The following SLC14A2 variants were observed in gnomAD, a reference collection of about 807,000 sequenced individuals.
SLC14A2 encodes urea transporter 2.
SLC14A2 carries 91 observed loss-of-function variants against 104.6 expected under a neutral mutation model. The ratio of observed to expected loss-of-function variants is 0.87; its 90% CI spans 0.73 to 1.04. The LOEUF (loss-of-function observed/expected upper bound fraction) is 1.04, where lower values mean the gene tolerates loss of function less well. SLC14A2 is among the 50% of genes least tolerant of loss of function. The probability of loss-of-function intolerance (pLI) is 0.00; values close to 1 mark genes in which losing one functional copy is unlikely to be tolerated. For synonymous variants in SLC14A2, 476 were observed against 466.4 expected, an observed-to-expected ratio of 1.02 and a Z score of -0.27; for missense variants, 1,189 against 1,156.0, an observed-to-expected ratio of 1.03 and a Z score of -0.41.
chr18:45,207,411 G>A, the SLC14A2 span, among the ~76,000 whole-genome samples: 1 of 150,294 alleles, frequency 6.7e-6, no homozygotes, highest in Non-Finnish European at 1.5e-5. Context: ...AAAAGAGAGA[G>A]AAAGAGAGAA....
chr18:45,280,359 C>G (rs905857581), intron 1 of SLC14A2, among the ~76,000 whole-genome samples: 2 of 152,136 alleles, frequency 1.3e-5, no homozygotes, highest in Non-Finnish European at 2.9e-5. Flanking sequence ...GGGAGGCAGA[C>G]AGCCCAGGTT....
At chr18:45,173,147 A>T in the SLC14A2 span, among the ~76,000 whole-genome samples, 1 of 152,180 alleles carries the variant, frequency 6.6e-6, no homozygotes, top group East Asian at 1.9e-4. Context: ...CACCAACTAC[A>T]TGGCCCTTTG....
At chr18:45,623,318 G>T (rs2045206115) in intron 1 of SLC14A2, among the ~76,000 whole-genome samples, 1 of 152,224 alleles carries the variant, frequency 6.6e-6, no homozygotes, top group Admixed American at 6.5e-5. Context: ...GATCTGAGAA[G>T]CCAGAGAACA....
At chr18:45,391,625 G>A (rs948047236) in intron 1 of SLC14A2, among the ~76,000 whole-genome samples, 7 of 152,112 alleles carry the variant, frequency 4.6e-5, no homozygotes, top group African/African-American at 1.7e-4. Flanking sequence ...ATTCTAACTG[G>A]TGTGAGATGG....
In SLC14A2 at chr18:45,335,880, T is replaced by C. The variant is rs555975590; in HGVS notation, c.-125+122689T>C. On this transcript the variant is annotated intron_variant, in intron 1 of 20. Coordinates refer to the SLC14A2 transcript ENST00000586448. ...CTTTCAGAGGAAGGTGCTAAATTCT[T>C]GCTGGTTCCCTGGCCAGAACAGGTA... Among the ~76,000 whole-genome samples, 29 of 152,280 alleles carry C rather than the reference T, an allele frequency of 1.9e-4. No homozygotes were observed. The South Asian group carries it at 5.8e-3, about 30-fold the overall frequency.
intron 1 of SLC14A2, among the ~76,000 whole-genome samples, chr18:45,376,287 C>T (rs573379346): frequency 6.6e-6 from 1 of 152,272 alleles, no homozygotes; most frequent in East Asian, 1.9e-4. Flanking sequence ...TTGTGAAGGT[C>T]CTGAGCACCT....
chr18:45,625,929 G>C, intron 3 of SLC14A2, 66 bp downstream of exon 3: 1 of 1,252,566 alleles, frequency 8.0e-7, no homozygotes. Context: ...CCTCTCTCCG[G>C]TTTGGTCCAA....
intron 1 of SLC14A2, among the ~76,000 whole-genome samples, chr18:45,319,974 A>G (rs7235709): frequency 0.14 from 21,669 of 152,176 alleles, 1,615 homozygotes; most frequent in South Asian, 0.16. Context: ...ACTTTAAAAA[A>G]TTGAGAAATC....
intron 2 of SLC14A2, among the ~76,000 whole-genome samples, chr18:45,593,108 G>A (rs1197133790): frequency 6.6e-6 from 1 of 152,158 alleles, no homozygotes; most frequent in Non-Finnish European, 1.5e-5. Context: ...ATGAGGTCAG[G>A]AGATCGAGAC....
At chr18:45,606,667 A>G (rs1048031180) in intron 2 of SLC14A2, among the ~76,000 whole-genome samples, 7 of 151,928 alleles carry the variant, frequency 4.6e-5, no homozygotes, top group African/African-American at 1.7e-4. Context: ...AAGAGCAGGA[A>G]AAAATCTTTT....
At chr18:45,339,154 G>A (rs888167713) in intron 1 of SLC14A2, among the ~76,000 whole-genome samples, 4 of 152,084 alleles carry the variant, frequency 2.6e-5, no homozygotes, top group African/African-American at 9.7e-5. Context: ...AGTAGAGATA[G>A]GGTTTTGCCA....
At chr18:45,242,996 C>G (rs2084332824) in intron 1 of SLC14A2, among the ~76,000 whole-genome samples, 1 of 152,206 alleles carries the variant, frequency 6.6e-6, no homozygotes, top group Non-Finnish European at 1.5e-5. Context: ...AGAGCTTAAA[C>G]CTTTTTGTAC....
At position 45,335,911 on chromosome 18, in the gene SLC14A2, A is replaced by G. The variant is rs1038442780; in HGVS notation, c.-125+122720A>G. On this transcript the variant is annotated intron_variant, in intron 1 of 20. Transcript: ENST00000586448. ...TTCCCTGGCCAGAACAGGTAGATGAAGCGCTGGGCTTCCTCAGCATCTTTG... is the reference window on the plus strand; with the variant it reads ...TTCCCTGGCCAGAACAGGTAGATGAGGCGCTGGGCTTCCTCAGCATCTTTG... Among the ~76,000 whole-genome samples, 14 of 152,310 alleles carry G rather than the reference A, an allele frequency of 9.2e-5. 1 individual carries two copies. Among genetic ancestry groups the G allele is most frequent in the South Asian group, 4.1e-4 (2 of 4,826 alleles).
chr18:45,182,072 C>T, the SLC14A2 span, among the ~76,000 whole-genome samples: 4 of 141,648 alleles, frequency 2.8e-5, no homozygotes, highest in East Asian at 1.9e-4. Context: ...GTTTATTAAG[C>T]AATAAGAAAT....
chr18:45,254,725 T>C (rs1281210732), intron 1 of SLC14A2, among the ~76,000 whole-genome samples: 2 of 151,894 alleles, frequency 1.3e-5, no homozygotes, highest in Non-Finnish European at 2.9e-5. Context: ...CACCAAGGAG[T>C]GGGGTGTGGG....
intron 2 of SLC14A2, among the ~76,000 whole-genome samples, chr18:45,566,818 A>G (rs957325382): frequency 6.6e-6 from 1 of 152,208 alleles, no homozygotes; most frequent in East Asian, 1.9e-4. Context: ...CTTTGCTCAG[A>G]AGGACAGATT....
intron 2 of SLC14A2, among the ~76,000 whole-genome samples, chr18:45,539,911 T>TA (rs1214163202): frequency 3.3e-5 from 5 of 150,436 alleles, no homozygotes; most frequent in Admixed American, 6.6e-5. Context: ...AAAAAAAATT[T>TA]AAAAAAAACA....
chr18:45,416,890 G>A (rs2086283612), intron 1 of SLC14A2, among the ~76,000 whole-genome samples: 1 of 152,150 alleles, frequency 6.6e-6, no homozygotes, highest in African/African-American at 2.4e-5. Flanking sequence ...AAATCACAAT[G>A]TGCTTCTGAT....
At position 45,672,917 on chromosome 18, in the gene SLC14A2, C is replaced by T. The variant is rs201119504; in HGVS notation, c.2247C>T (p.Pro749=). 14 of 1,613,774 alleles carry T rather than the reference C, an allele frequency of 8.7e-6. No homozygotes were observed. The highest frequency in any genetic ancestry group is 1.1e-5 in the Non-Finnish European group (13 of 1,179,828). The part of the protein sequence containing the change: ...VQVPLLLRAI[P]VGIGQVYGCD... ...GCCTACAGCTTTTGAGAGCCATCCC[C>T]GTTGGAATTGGCCAAGTGTACGGCT... is the stretch of plus-strand genomic sequence containing the variant. Residue 749 remains proline (P), a synonymous_variant, in exon 17 of 20, where the codon CCC becomes CCT. Transcript: ENST00000255226.
Sources: gnomAD v4.1 joint callset for allele counts (sites outside exome capture counted in the v4.1 genomes callset) on GRCh38, gnomAD v4.1.1 for gene constraint, MANE v1.5 for transcripts, NCBI Gene and HGNC (gene_info 2026-07-23, HGNC 2026-07-21) for gene names.